Variants in ENAH observed in about 807,000 individuals in gnomAD.
The protein encoded by ENAH is protein enabled homolog.
ENAH carries 23 observed loss-of-function variants against 78.7 expected under a neutral mutation model. That is an observed-to-expected ratio of 0.29 (90% CI 0.21 to 0.41). ENAH has a LOEUF of 0.41. ENAH is among the 10% of genes least tolerant of loss of function. The probability of loss-of-function intolerance (pLI) is 1.00; values close to 1 mark genes in which losing one functional copy is unlikely to be tolerated. For missense variants in ENAH, 544 were observed against 691.0 expected (o/e 0.79, Z 2.39); for synonymous variants, 226 against 241.0 (o/e 0.94, Z 0.58).
chr1:225,613,980 T>G (rs1259691404), intron 1 of ENAH, among the ~76,000 whole-genome samples: 1 of 152,006 alleles, frequency 6.6e-6, no homozygotes, highest in East Asian at 1.9e-4. Context: ...TCCCATAAGC[T>G]CTCCCCAGAG....
intron 3 of ENAH, 44 bp from the exon 4 acceptor site, chr1:225,530,682 C>T: frequency 2.1e-6 from 3 of 1,399,090 alleles, no homozygotes; most frequent in Non-Finnish European, 3.0e-6. Context: ...ATTTTCATAT[C>T]TAGCTGGACA....
At chr1:225,584,830 T>A (rs1445637006) in intron 1 of ENAH, among the ~76,000 whole-genome samples, 1 of 152,236 alleles carries the variant, frequency 6.6e-6, no homozygotes, top group Admixed American at 6.5e-5. Flanking sequence ...AGTAGACTTT[T>A]AAGCAGAGGA....
chr1:225,557,443 T>C (rs1045456575), intron 2 of ENAH, among the ~76,000 whole-genome samples: 1 of 152,164 alleles, frequency 6.6e-6, no homozygotes, highest in African/African-American at 2.4e-5. Flanking sequence ...GAAATAACAA[T>C]ACAATGCTGA....
intron 3 of ENAH, among the ~76,000 whole-genome samples, chr1:225,543,721 CCAGTTAACTA>C (rs2151344398): frequency 6.6e-6 from 1 of 152,284 alleles, no homozygotes; most frequent in South Asian, 2.1e-4. Flanking sequence ...ACAAATAATT[CCAGTTAACTA>C]CAGCATTTCT....
intron 1 of ENAH, among the ~76,000 whole-genome samples, chr1:225,643,753 T>C (rs528698138): frequency 1.3e-5 from 2 of 152,050 alleles, no homozygotes; most frequent in African/African-American, 4.8e-5. Flanking sequence ...CTGGGCAACA[T>C]AGCGAGACCT....
intron 3 of ENAH, among the ~76,000 whole-genome samples, chr1:225,541,452 C>A (rs1315863446): frequency 6.6e-6 from 1 of 151,774 alleles, no homozygotes; most frequent in Non-Finnish European, 1.5e-5. Flanking sequence ...AAAAAAAAAC[C>A]CAAAATGTTC....
At chr1:225,556,422 T>C (rs1204056994) in intron 2 of ENAH, among the ~76,000 whole-genome samples, 1 of 152,226 alleles carries the variant, frequency 6.6e-6, no homozygotes, top group African/African-American at 2.4e-5. Flanking sequence ...TATGAATGCT[T>C]TATCACTGCA....
At chr1:225,640,811 T>C (rs1299280012) in intron 1 of ENAH, among the ~76,000 whole-genome samples, 1 of 151,904 alleles carries the variant, frequency 6.6e-6, no homozygotes, top group Non-Finnish European at 1.5e-5. Context: ...AGAATATAAA[T>C]GCCAACACTG....
intron 1 of ENAH, among the ~76,000 whole-genome samples, chr1:225,640,824 ATTAAG>A (rs1214485214): frequency 6.6e-6 from 1 of 152,184 alleles, no homozygotes; most frequent in African/African-American, 2.4e-5. Context: ...CAACACTGAA[ATTAAG>A]TTAATTAGCA....
chr1:225,505,140 T>C (rs561595085), intron 11 of ENAH: 4 of 962,252 alleles, frequency 4.2e-6, no homozygotes, highest in Admixed American at 2.2e-5. Context: ...AGGTTGTTAA[T>C]AGCAAACAAA....
intron 1 of ENAH, among the ~76,000 whole-genome samples, chr1:225,647,206 AGAGT>A (rs1662140042): frequency 6.6e-6 from 1 of 152,220 alleles, no homozygotes; most frequent in Non-Finnish European, 1.5e-5. Context: ...AGCCTGGGCA[AGAGT>A]GAGACTCCAT....
At chr1:225,525,405 T>G (rs1489117266) in intron 4 of ENAH, among the ~76,000 whole-genome samples, 1 of 152,202 alleles carries the variant, frequency 6.6e-6, no homozygotes, top group African/African-American at 2.4e-5. Flanking sequence ...ATTCTTTTTC[T>G]ATATACCTGT....
intron 4 of ENAH, chr1:225,524,524 A>G (rs2096490903): frequency 1.2e-6 from 1 of 826,016 alleles, no homozygotes; most frequent in Non-Finnish European, 1.5e-6. Flanking sequence ...GTAAACAAAT[A>G]AAAAATGGAT....
intron 1 of ENAH, among the ~76,000 whole-genome samples, chr1:225,615,422 G>C (rs912526255): frequency 2.0e-5 from 3 of 152,148 alleles, no homozygotes; most frequent in Non-Finnish European, 4.4e-5. Context: ...GCCTGCCTTG[G>C]CCTCCCAAAG....
At chr1:225,578,220 T>C (rs1347340163) in intron 1 of ENAH, among the ~76,000 whole-genome samples, 3 of 152,178 alleles carry the variant, frequency 2.0e-5, no homozygotes, top group Admixed American at 2.0e-4. Context: ...ATCCCAGCAC[T>C]CTGAGAAGCC....
chr1:225,626,455 G>A lies in ENAH; in HGVS notation c.5+26231C>T, dbSNP rs74347000. Among the ~76,000 whole-genome samples the A allele has an allele frequency of 1.8e-4, 27 of 152,350 alleles. No individual in the cohort carries two copies. In the East Asian group the frequency reaches 4.6e-3, roughly 26 times the overall value. Reference sequence around the variant, plus strand: ...AATAGGTCACAAGGCCTCCAACCTCGTGAATGGCATTTATGCCCTTAAAAA... The same window carrying A: ...AATAGGTCACAAGGCCTCCAACCTCATGAATGGCATTTATGCCCTTAAAAA... On this transcript the variant is annotated intron_variant, in intron 1 of 13. Transcript: ENST00000366843.
intron 3 of ENAH, among the ~76,000 whole-genome samples, chr1:225,544,488 A>C (rs2096604042): frequency 1.3e-5 from 2 of 152,214 alleles, no homozygotes; most frequent in Admixed American, 6.5e-5. Context: ...AGGGAATGAA[A>C]GGCAGACAGA....
At chr1:225,615,401 A>G (rs1288447637) in intron 1 of ENAH, among the ~76,000 whole-genome samples, 1 of 150,484 alleles carries the variant, frequency 6.6e-6, no homozygotes, top group Non-Finnish European at 1.5e-5. Flanking sequence ...TACAACCTCC[A>G]CCTCCCAGCC....
intron 2 of ENAH, among the ~76,000 whole-genome samples, chr1:225,556,880 G>C (rs1374616524): frequency 2.6e-5 from 4 of 152,124 alleles, no homozygotes; most frequent in South Asian, 2.1e-4. Context: ...TAGGGATCAA[G>C]TTTGCTATTT....
Sources: allele counts gnomAD v4.1 joint callset (sites outside exome capture counted in the v4.1 genomes callset), GRCh38; gene constraint gnomAD v4.1.1; transcripts MANE v1.5; gene names NCBI Gene and HGNC (gene_info 2026-07-23, HGNC 2026-07-21).